Variants in SLC8A3 observed in about 807,000 individuals in gnomAD.
SLC8A3 encodes solute carrier family 8 member A3.
In SLC8A3, 37 loss-of-function variants were observed where a neutral mutation model predicts 65.4. The observed-to-expected ratio is 0.57, with a 90% confidence interval of 0.44 to 0.74. SLC8A3 has a LOEUF of 0.74. SLC8A3 is among the 30% of genes least tolerant of loss of function. The pLI is 0.00. For missense variants in SLC8A3, 1,112 were observed against 1,172.1 expected, an observed-to-expected ratio of 0.95 and a Z score of 0.75; for synonymous variants, 461 against 444.5, an observed-to-expected ratio of 1.04 and a Z score of -0.47.
chr14:70,112,096 G>A lies in SLC8A3; in HGVS notation c.1785-51157C>T, dbSNP rs1197297551. On this transcript the variant is annotated intron_variant, in intron 2 of 6. Transcript: ENST00000356921. The stretch of plus-strand genomic sequence containing the variant: ...CCTCAAGCAGTACTTTGGAAGACCT[G>A]CTTGTAGAAAGATACTAAGAATGGC... Among the ~76,000 whole-genome samples the A allele has an allele frequency of 2.6e-5, 4 of 152,334 alleles. No homozygotes were observed. In the East Asian group the frequency reaches 5.8e-4, roughly 22 times the overall value.
intron 2 of SLC8A3, among the ~76,000 whole-genome samples, chr14:70,110,650 C>G (rs1050500455): frequency 6.7e-6 from 1 of 149,166 alleles, no homozygotes. Flanking sequence ...CTGCTGCAAA[C>G]ATGAGAGTGC....
At chr14:70,075,123 ATG>A (rs138928899) in intron 2 of SLC8A3, among the ~76,000 whole-genome samples, 18 of 150,992 alleles carry the variant, frequency 1.2e-4, no homozygotes, top group African/African-American at 1.7e-4. Flanking sequence ...AACTGTGTGT[ATG>A]TGTGTGTGTG....
chr14:70,061,728 G>A (rs779399412), intron 2 of SLC8A3, among the ~76,000 whole-genome samples: 7 of 152,168 alleles, frequency 4.6e-5, no homozygotes, highest in African/African-American at 1.7e-4. Context: ...CTGGGAAAAT[G>A]TGAAGAAAAT....
intron 2 of SLC8A3, among the ~76,000 whole-genome samples, chr14:70,157,583 A>C (rs1317420900): frequency 6.6e-6 from 1 of 152,240 alleles, no homozygotes; most frequent in Non-Finnish European, 1.5e-5. Context: ...TTGGGGTACC[A>C]TTGCAAGCTG....
At chr14:70,127,689 G>A (rs1894559509) in intron 2 of SLC8A3, among the ~76,000 whole-genome samples, 1 of 152,144 alleles carries the variant, frequency 6.6e-6, no homozygotes, top group Non-Finnish European at 1.5e-5. Flanking sequence ...GGACCACCCT[G>A]TTCAACCCTC....
intron 1 of SLC8A3, among the ~76,000 whole-genome samples, chr14:70,181,742 C>A (rs1882769215): frequency 6.6e-6 from 1 of 152,008 alleles, no homozygotes; most frequent in Non-Finnish European, 1.5e-5. Flanking sequence ...ATACAAGGAA[C>A]TGCAAAAAAT....
chr14:70,065,646 T>C (rs1889339312), intron 2 of SLC8A3, among the ~76,000 whole-genome samples: 2 of 152,232 alleles, frequency 1.3e-5, no homozygotes, highest in South Asian at 4.1e-4. Flanking sequence ...ATAATTTATA[T>C]GAATTTCTGG....
At position 70,148,148 on chromosome 14, in the gene SLC8A3, G is replaced by T. The variant is rs927061154; in HGVS notation, c.1784+18491C>A. On this transcript the variant is annotated intron_variant, in intron 2 of 6. Transcript: ENST00000356921. ...ATATTCAACACCTTATTTTAAAATA[G>T]GCTTTGTTTTATATGTTTTTGTCCA... 9.9e-5 allele frequency among the ~76,000 whole-genome samples: 15 copies of T among 152,252 alleles called. No homozygotes were observed. The South Asian group carries it at 3.1e-3, about 32-fold the overall frequency.
At chr14:70,111,413 C>T (rs1209024200) in intron 2 of SLC8A3, among the ~76,000 whole-genome samples, 1 of 152,100 alleles carries the variant, frequency 6.6e-6, no homozygotes, top group African/African-American at 2.4e-5. Context: ...GATAATGATT[C>T]TTAAGTGATA....
intron 2 of SLC8A3, among the ~76,000 whole-genome samples, chr14:70,149,138 T>C (rs1896109381): frequency 6.6e-6 from 1 of 152,204 alleles, no homozygotes; most frequent in Non-Finnish European, 1.5e-5. Flanking sequence ...ACACAGTAAG[T>C]ACTAAATAAA....
chr14:70,177,934 G>A (rs762472084), intron 1 of SLC8A3, among the ~76,000 whole-genome samples: 1 of 152,232 alleles, frequency 6.6e-6, no homozygotes. Context: ...ACTGGGATGA[G>A]AGGCAATGGA....
chr14:70,167,850 G>A lies in SLC8A3; in HGVS notation c.573C>T (p.Asp191=), dbSNP rs35952723. 1,588 of 1,614,128 alleles carry A rather than the reference G, an allele frequency of 9.8e-4. 3 individuals carry two copies. The highest frequency in any genetic ancestry group is 1.9e-3 in the South Asian group (172 of 91,064). ...GATGCTTGATCTTGCGAGTCTCTCC[G>A]TCTGGGATCACGTAGACACAGATGC... ...IIGICVYVIP[D]GETRKIKHLR... is the part of the protein sequence containing the mutation. Residue 191 remains aspartate (D), a synonymous_variant, in exon 2 of 7, where the codon GAC becomes GAT. Transcript: ENST00000356921.
At chr14:70,068,889 G>A (rs2139895754) in intron 2 of SLC8A3, among the ~76,000 whole-genome samples, 1 of 152,156 alleles carries the variant, frequency 6.6e-6, no homozygotes, top group Non-Finnish European at 1.5e-5. Context: ...ACCATGCCTG[G>A]CTAATTTTTG....
intron 2 of SLC8A3, among the ~76,000 whole-genome samples, chr14:70,128,260 T>C (rs1166214639): frequency 1.3e-5 from 2 of 152,202 alleles, no homozygotes; most frequent in Admixed American, 6.5e-5. Flanking sequence ...TCCCTTTCAA[T>C]GGACACAACT....
intron 2 of SLC8A3, among the ~76,000 whole-genome samples, chr14:70,069,703 C>T (rs930796224): frequency 3.3e-5 from 5 of 152,216 alleles, no homozygotes; most frequent in African/African-American, 1.2e-4. Context: ...CTGATATTTC[C>T]CTGACCCCTC....
rs968037708 is a variant in SLC8A3 at position 70,121,676 on chromosome 14, A to G, written c.1784+44963T>C. On this transcript the variant is annotated intron_variant, in intron 2 of 6. Transcript: ENST00000356921. Reference sequence around the variant, plus strand: ...GTTACCTTCTGGTTGAAAGGATTCAATCTTCTAAGGAAAACAAAAAGCCCC... The same window carrying G: ...GTTACCTTCTGGTTGAAAGGATTCAGTCTTCTAAGGAAAACAAAAAGCCCC... 3.9e-5 allele frequency among the ~76,000 whole-genome samples: 6 copies of G among 152,286 alleles called. No individual in the cohort carries two copies. In the South Asian group the frequency reaches 8.3e-4, roughly 21 times the overall value.
At chr14:70,165,198 C>T (rs1486027323) in intron 2 of SLC8A3, among the ~76,000 whole-genome samples, 1 of 152,206 alleles carries the variant, frequency 6.6e-6, no homozygotes, top group African/African-American at 2.4e-5. Context: ...AGTTCCAGAA[C>T]CAATAAATGA....
At chr14:70,058,200 C>G (rs1888380382) in intron 3 of SLC8A3, among the ~76,000 whole-genome samples, 1 of 152,180 alleles carries the variant, frequency 6.6e-6, no homozygotes, top group South Asian at 2.1e-4. Flanking sequence ...CTATGCCATT[C>G]TGAATGTTTC....
chr14:70,055,836 A>G, intron 3 of SLC8A3: 1 of 1,607,146 alleles, frequency 6.2e-7, no homozygotes, highest in Non-Finnish European at 8.5e-7. Context: ...GGATACCAGA[A>G]AAATGGAAGA....
Sources: gnomAD v4.1 joint callset for allele counts (sites outside exome capture counted in the v4.1 genomes callset) on GRCh38, gnomAD v4.1.1 for gene constraint, MANE v1.5 for transcripts, NCBI Gene and HGNC (gene_info 2026-07-23, HGNC 2026-07-21) for gene names.